RBFOX1: variants seen among roughly 807,000 people sequenced by gnomAD.
RBFOX1 encodes the protein RNA binding fox-1 homolog 1.
In RBFOX1, 8 loss-of-function variants were observed where a neutral mutation model predicts 57.7. The observed-to-expected ratio is 0.14, with a 90% CI of 0.08 to 0.25. The LOEUF (loss-of-function observed/expected upper bound fraction) is 0.25, where lower values mean the gene tolerates loss of function less well. RBFOX1 is among the 10% of genes least tolerant of loss of function. The pLI is 1.00. For missense variants in RBFOX1, 611 were observed against 548.5 expected, an observed-to-expected ratio of 1.11 and a Z score of -1.14; for synonymous variants, 326 against 222.4, an observed-to-expected ratio of 1.47 and a Z score of -4.15.
At chr16:7,103,374 T>C (rs2063030552) in intron 4 of RBFOX1, among the ~76,000 whole-genome samples, 1 of 152,132 alleles carries the variant, frequency 6.6e-6, no homozygotes, top group Non-Finnish European at 1.5e-5. Context: ...TGGAATAAAA[T>C]AGCAAATGAA....
At chr16:7,030,194 C>G (rs2042427854) in intron 3 of RBFOX1, among the ~76,000 whole-genome samples, 1 of 152,076 alleles carries the variant, frequency 6.6e-6, no homozygotes, top group Non-Finnish European at 1.5e-5. Context: ...GGCATTTTTT[C>G]TAAATGGTTG....
intron 4 of RBFOX1, among the ~76,000 whole-genome samples, chr16:5,952,923 T>C (rs1016229258): frequency 2.6e-5 from 4 of 152,216 alleles, no homozygotes; most frequent in East Asian, 1.9e-4. Context: ...ATCAAGAATC[T>C]TTTTATTTAA....
intron 3 of RBFOX1, among the ~76,000 whole-genome samples, chr16:6,976,866 A>G (rs1230537488): frequency 1.5e-4 from 1 of 6,696 alleles, no homozygotes; most frequent in Non-Finnish European, 2.1e-4. Context: ...CATATATATC[A>G]CATATGTCAT....
chr16:6,966,521 G>A (rs1048557663), intron 3 of RBFOX1, among the ~76,000 whole-genome samples: 8 of 152,132 alleles, frequency 5.3e-5, no homozygotes, highest in African/African-American at 1.7e-4. Flanking sequence ...GCGGACGGGG[G>A]AAGACTGAGA....
chr16:6,454,416 G>T (rs1191020795), intron 2 of RBFOX1, among the ~76,000 whole-genome samples: 3 of 152,100 alleles, frequency 2.0e-5, no homozygotes, highest in Admixed American at 1.3e-4. Flanking sequence ...AATTAGCTGG[G>T]TGTGGTGGTA....
chr16:5,626,245 A>C (rs2048347940), intron 3 of RBFOX1, among the ~76,000 whole-genome samples: 2 of 152,194 alleles, frequency 1.3e-5, no homozygotes, highest in Non-Finnish European at 2.9e-5. Flanking sequence ...TCTGGAGGCA[A>C]GCAGTCAGAG....
At chr16:6,252,789 G>T (rs1486679184) in intron 1 of RBFOX1, among the ~76,000 whole-genome samples, 1 of 152,116 alleles carries the variant, frequency 6.6e-6, no homozygotes, top group Non-Finnish European at 1.5e-5. Context: ...ATTCTGCGTA[G>T]GGAATTAGCA....
At chr16:6,566,999 T>G (rs572296147) in intron 2 of RBFOX1, among the ~76,000 whole-genome samples, 1 of 152,338 alleles carries the variant, frequency 6.6e-6, no homozygotes, top group Non-Finnish European at 1.5e-5. Context: ...TTAAATTGTG[T>G]TCTAGGATTG....
chr16:7,565,480 C>T (rs148581973), intron 5 of RBFOX1, among the ~76,000 whole-genome samples: 35 of 152,310 alleles, frequency 2.3e-4, no homozygotes, highest in African/African-American at 8.4e-4. Flanking sequence ...CCATGCTCTG[C>T]CCTGCTATTC....
intron 4 of RBFOX1, among the ~76,000 whole-genome samples, chr16:7,266,655 C>G (rs956800029): frequency 2.0e-5 from 3 of 152,020 alleles, no homozygotes; most frequent in Non-Finnish European, 4.4e-5. Context: ...CACTCCGTAA[C>G]AATGGTATAC....
chr16:6,936,587 C>T (rs548840626), intron 3 of RBFOX1, among the ~76,000 whole-genome samples: 2 of 152,114 alleles, frequency 1.3e-5, no homozygotes, highest in Non-Finnish European at 2.9e-5. Flanking sequence ...CTGTATATGC[C>T]AGCCTAAGCA....
At chr16:7,702,642 T>TC (rs2081133645) in intron 14 of RBFOX1, among the ~76,000 whole-genome samples, 1 of 152,184 alleles carries the variant, frequency 6.6e-6, no homozygotes, top group African/African-American at 2.4e-5. Context: ...CTGGTCTTGT[T>TC]CTTTCTTTTC....
At position 6,723,450 on chromosome 16, in the gene RBFOX1, G is replaced by A. The variant is rs571554667; in HGVS notation, c.-16+68800G>A. Among the ~76,000 whole-genome samples the A allele has an allele frequency of 5.3e-5, 8 of 152,246 alleles. No individual in the cohort carries two copies. The East Asian group carries it at 1.2e-3, about 22-fold the overall frequency. ...ATACATTATTGGTGAACACACAAAA[G>A]GGCATAATGTTATGTATTATAGTTT... On this transcript the variant is annotated intron_variant, in intron 3 of 15. Transcript: ENST00000550418.
chr16:5,697,330 T>A (rs190678836), intron 3 of RBFOX1, among the ~76,000 whole-genome samples: 2 of 151,674 alleles, frequency 1.3e-5, no homozygotes, highest in Non-Finnish European at 2.9e-5. Flanking sequence ...ATAGGAAAAG[T>A]ATATAATTTA....
chr16:6,616,645 A>T (rs1301118543), intron 2 of RBFOX1, among the ~76,000 whole-genome samples: 3 of 152,232 alleles, frequency 2.0e-5, no homozygotes, highest in Non-Finnish European at 4.4e-5. Flanking sequence ...ACTGCACTCC[A>T]GCCTGGGCGA....
chr16:7,509,426 G>GTGTGTC lies in RBFOX1; in HGVS notation c.28-8703_28-8698dup, dbSNP rs1555531506. ...TGTGTGTGTGTGTGTGTGTGTGTGT[G>GTGTGTC]TGTGTCTGTGTCTGTGTCTGTGTGT... On this transcript the variant is annotated intron_variant, in intron 4 of 15. Transcript: ENST00000550418. Among the ~76,000 whole-genome samples the GTGTGTC allele has an allele frequency of 4.7e-3, 692 of 146,442 alleles. 6 individuals are homozygous for GTGTGTC. Among genetic ancestry groups the GTGTGTC allele is most frequent in the African/African-American group, 0.016 (631 of 39,614 alleles).
chr16:5,245,473 C>T (rs1257763371), intron 1 of RBFOX1, among the ~76,000 whole-genome samples: 1 of 152,158 alleles, frequency 6.6e-6, no homozygotes, highest in East Asian at 1.9e-4. Flanking sequence ...ACTGCGATTG[C>T]CTGGGATGAG....
intron 2 of RBFOX1, among the ~76,000 whole-genome samples, chr16:5,472,898 G>C (rs765058996): frequency 5.3e-5 from 8 of 152,152 alleles, no homozygotes; most frequent in Non-Finnish European, 7.4e-5. Flanking sequence ...TTGTCGTAGG[G>C]GATCCAGCAG....
intron 4 of RBFOX1, among the ~76,000 whole-genome samples, chr16:7,118,884 G>C (rs1320492014): frequency 2.6e-5 from 4 of 152,134 alleles, no homozygotes; most frequent in Non-Finnish European, 5.9e-5. Flanking sequence ...AACTTGCTCA[G>C]ATCTCTTAAC....
Sources: allele counts gnomAD v4.1 joint callset (sites outside exome capture counted in the v4.1 genomes callset), GRCh38; gene constraint gnomAD v4.1.1; transcripts MANE v1.5; gene names NCBI Gene and HGNC (gene_info 2026-07-23, HGNC 2026-07-21).